The following MAGI3 variants were observed in gnomAD, a reference collection of about 807,000 sequenced individuals.
MAGI3 encodes the protein membrane-associated guanylate kinase, WW and PDZ domain-containing protein 3.
Under a neutral mutation model 121.8 loss-of-function variants are expected in MAGI3, and 43 were observed. The observed-to-expected ratio is 0.35, with a 90% CI of 0.28 to 0.46. The LOEUF (loss-of-function observed/expected upper bound fraction) is 0.46. Ranked by LOEUF, MAGI3 falls within the 20% of genes least tolerant of loss-of-function variation. MAGI3 has a pLI of 1.00. For synonymous variants in MAGI3, 553 were observed against 639.3 expected, an observed-to-expected ratio of 0.86 and a Z score of 2.04; for missense variants, 1,547 against 1,797.3, an observed-to-expected ratio of 0.86 and a Z score of 2.52.
intron 1 of MAGI3, among the ~76,000 whole-genome samples, chr1:113,544,640 A>C (rs930610681): frequency 6.6e-6 from 1 of 152,230 alleles, no homozygotes; most frequent in African/African-American, 2.4e-5. Context: ...TAAGAAATAA[A>C]CATTTAAGAA....
intron 1 of MAGI3, among the ~76,000 whole-genome samples, chr1:113,548,419 T>A (rs1659633092): frequency 6.6e-6 from 1 of 152,244 alleles, no homozygotes; most frequent in African/African-American, 2.4e-5. Context: ...TCCCCACAAA[T>A]AATAGAAAAT....
At position 113,550,254 on chromosome 1, in the gene MAGI3, C is replaced by CAA. The variant is rs200738964; in HGVS notation, c.433+635_433+636dup. On this transcript the variant is annotated intron_variant, in intron 2 of 20. Coordinates refer to ENST00000307546, the MANE Select transcript of MAGI3 (RefSeq NM_001142782.2). ...TGAAACCCCGTCTCTACTAAAAATA[C>CAA]AAAAAAAAAAAAATTAGCCGGGTGC... Among the ~76,000 whole-genome samples, 872 of 136,974 alleles carry CAA rather than the reference C, an allele frequency of 6.4e-3. 18 individuals carry two copies. In the East Asian group the frequency reaches 0.072, roughly 11 times the overall value. 89.9% of individuals were successfully genotyped at this position (136,974 alleles called of 152,430 possible). A position where few individuals can be genotyped will look rare whatever the true frequency, so the allele number is the denominator to read the frequency against.
At chr1:113,644,464 G>C (rs898541244) in intron 11 of MAGI3, among the ~76,000 whole-genome samples, 2 of 151,976 alleles carry the variant, frequency 1.3e-5, no homozygotes, top group Non-Finnish European at 2.9e-5. Context: ...TGTATTTTTA[G>C]TAGAGACAGG....
chr1:113,442,592 T>A (rs987790750), intron 1 of MAGI3, among the ~76,000 whole-genome samples: 2 of 151,876 alleles, frequency 1.3e-5, no homozygotes, highest in African/African-American at 4.8e-5. Context: ...CATATATATA[T>A]AACGTACAGG....
intron 1 of MAGI3, among the ~76,000 whole-genome samples, chr1:113,458,680 G>C (rs1206399097): frequency 1.3e-5 from 2 of 151,776 alleles, no homozygotes; most frequent in African/African-American, 4.8e-5. Flanking sequence ...CACCCAGCTA[G>C]TTTTAAATTT....
At chr1:113,577,197 G>A (rs1033525825) in intron 2 of MAGI3, among the ~76,000 whole-genome samples, 4 of 152,056 alleles carry the variant, frequency 2.6e-5, no homozygotes, top group Non-Finnish European at 5.9e-5. Flanking sequence ...TTTTTGCTTG[G>A]GTTGATTTGC....
chr1:113,414,351 T>C (rs534172285), intron 1 of MAGI3, among the ~76,000 whole-genome samples: 1 of 152,198 alleles, frequency 6.6e-6, no homozygotes, highest in Non-Finnish European at 1.5e-5. Flanking sequence ...TTTTTTGTTG[T>C]GTCTCTGCCA....
chr1:113,650,153 TA>T (rs1485517108), intron 13 of MAGI3, among the ~76,000 whole-genome samples: 2 of 152,168 alleles, frequency 1.3e-5, no homozygotes, highest in Non-Finnish European at 2.9e-5. Context: ...TTGATTTATG[TA>T]GTATAAATTT....
At chr1:113,564,500 G>T (rs1201649808) in intron 2 of MAGI3, among the ~76,000 whole-genome samples, 2 of 152,088 alleles carry the variant, frequency 1.3e-5, no homozygotes, top group East Asian at 3.9e-4. Context: ...TTATTATTAT[G>T]AACTAATAAA....
intron 13 of MAGI3, among the ~76,000 whole-genome samples, chr1:113,649,807 C>T (rs938687350): frequency 6.6e-6 from 1 of 152,164 alleles, no homozygotes; most frequent in African/African-American, 2.4e-5. Flanking sequence ...GTCATTTCAT[C>T]TGTTACCTTT....
intron 2 of MAGI3, among the ~76,000 whole-genome samples, chr1:113,576,561 G>A (rs1647658683): frequency 6.6e-6 from 1 of 152,184 alleles, no homozygotes; most frequent in African/African-American, 2.4e-5. Context: ...CACCTTCTGT[G>A]TTGGTGTTGC....
intron 1 of MAGI3, among the ~76,000 whole-genome samples, chr1:113,448,664 CT>C (rs751963214): frequency 3.0e-4 from 45 of 147,732 alleles, no homozygotes; most frequent in Non-Finnish European, 3.5e-4. Flanking sequence ...ATCTAAATGC[CT>C]TTTTTTTTTA....
intron 1 of MAGI3, among the ~76,000 whole-genome samples, chr1:113,447,425 C>A (rs1334394986): frequency 6.6e-6 from 1 of 152,236 alleles, no homozygotes. Flanking sequence ...CATAAGGGCA[C>A]AGCCCTCATG....
At chr1:113,552,392 CTG>C (rs1255616034) in intron 2 of MAGI3, among the ~76,000 whole-genome samples, 1 of 152,226 alleles carries the variant, frequency 6.6e-6, no homozygotes, top group East Asian at 1.9e-4. Flanking sequence ...AACTATCTAA[CTG>C]TTTTTGGCAT....
chr1:113,551,813 A>G (rs1659801547), intron 2 of MAGI3, among the ~76,000 whole-genome samples: 1 of 151,928 alleles, frequency 6.6e-6, no homozygotes, highest in Non-Finnish European at 1.5e-5. Flanking sequence ...ATCTCTTTTT[A>G]GGAAGGTTTG....
At chr1:113,667,359 G>A (rs374280866) in intron 16 of MAGI3, among the ~76,000 whole-genome samples, 32 of 152,342 alleles carry the variant, frequency 2.1e-4, no homozygotes, top group African/African-American at 7.7e-4. Context: ...ATCAGCACTT[G>A]CTGCTTCACC....
chr1:113,469,513 C>G (rs1655442826), intron 1 of MAGI3, among the ~76,000 whole-genome samples: 1 of 144,746 alleles, frequency 6.9e-6, no homozygotes. Context: ...CAAGCAAAGT[C>G]TTTTTTTTTT....
chr1:113,416,003 T>TACATATATTAATTATATAATTAATG (rs1652285559), intron 1 of MAGI3, among the ~76,000 whole-genome samples: 4 of 89,772 alleles, frequency 4.5e-5, no homozygotes, highest in African/African-American at 1.1e-4. Flanking sequence ...TATAATTAAT[T>TACATATATTAATTATATAATTAATG]ACATATATTA....
chr1:113,574,526 T>C (rs1183785513), intron 2 of MAGI3, among the ~76,000 whole-genome samples: 1 of 152,220 alleles, frequency 6.6e-6, no homozygotes, highest in East Asian at 1.9e-4. Flanking sequence ...GCCTACTCTC[T>C]TCTGGCTTGA....
Sources: gnomAD v4.1 joint callset for allele counts (sites outside exome capture counted in the v4.1 genomes callset) on GRCh38, gnomAD v4.1.1 for gene constraint, MANE v1.5 for transcripts, NCBI Gene and HGNC (gene_info 2026-07-23, HGNC 2026-07-21) for gene names.